Variants in CD8A observed in about 807,000 individuals in gnomAD.
CD8A encodes the protein T-cell surface glycoprotein CD8 alpha chain.
A neutral mutation model predicts 24.2 loss-of-function variants in CD8A; 25 were observed. The observed-to-expected ratio is 1.03, with a 90% CI of 0.75 to 1.44. The LOEUF is 1.44. Among genes scored for constraint, CD8A ranks in the 40% most tolerant of loss-of-function variants. The pLI is 0.00. For missense variants in CD8A, 360 were observed against 319.7 expected, an observed-to-expected ratio of 1.13 and a Z score of -0.96; for synonymous variants, 165 against 149.9, an observed-to-expected ratio of 1.10 and a Z score of -0.74.
At chr2:86,805,913 GTTTC>G (rs965321600) in intron 2 of CD8A, among the ~76,000 whole-genome samples, 10 of 151,622 alleles carry the variant, frequency 6.6e-5, no homozygotes, top group African/African-American at 2.2e-4. Flanking sequence ...AAAAAGGCTC[GTTTC>G]TTTTTCTTTC....
chr2:86,792,350 T>C (rs1399207820), upstream of CD8A, among the ~76,000 whole-genome samples: 1 of 152,226 alleles, frequency 6.6e-6, no homozygotes, highest in African/African-American at 2.4e-5. Flanking sequence ...CCATTAGTTC[T>C]GCTGGGCGAG....
At chr2:86,788,000 C>CT (rs981606076) in intron 5 of CD8A, among the ~76,000 whole-genome samples, 5 of 151,904 alleles carry the variant, frequency 3.3e-5, no homozygotes, top group African/African-American at 1.2e-4. Flanking sequence ...TCTCGTTCCC[C>CT]TTTTTTCTAC....
chr2:86,790,552 G>C lies in CD8A; in HGVS notation c.179C>G (p.Pro60Arg), dbSNP rs769304073. The C allele has an allele frequency of 6.2e-7, 1 of 1,613,334 alleles. No individual in the cohort carries two copies. The highest frequency in any genetic ancestry group is 8.5e-7 in the Non-Finnish European group (1 of 1,179,956). ...GGTGGGACTGGCGGCGGCGCCGCGC[G>C]GCTGGAAGAGCCACGAGCAGCCCGA... ...PTSGCSWLFQ[P>R]RGAAASPTFL... Residue 60 changes from proline (P) to arginine (R), a missense_variant, in exon 2 of 6, where the codon CCG becomes CGG. Physicochemically the swap from Pro to Arg is moderately radical, Grantham distance 103. Transcript: ENST00000283635.
At chr2:86,791,066 C>A (rs1313763392), upstream of CD8A, 1 of 699,310 alleles carries the variant, frequency 1.4e-6, no homozygotes. Flanking sequence ...GTCGAGGCAG[C>A]CTGGCCAGGC....
intron 3 of CD8A, among the ~76,000 whole-genome samples, chr2:86,799,695 C>G (rs1042201968): frequency 5.9e-5 from 9 of 151,834 alleles, no homozygotes; most frequent in South Asian, 2.1e-4. Flanking sequence ...AGTGGAGCTT[C>G]CAGTGAGCCA....
intron 2 of CD8A, among the ~76,000 whole-genome samples, chr2:86,803,620 T>G (rs543976415): frequency 3.9e-5 from 6 of 152,346 alleles, no homozygotes; most frequent in African/African-American, 1.4e-4. Context: ...GGCGCAATTT[T>G]GGCTCACCGC....
chr2:86,799,392 A>C (rs1010011943), intron 3 of CD8A, among the ~76,000 whole-genome samples: 1 of 152,214 alleles, frequency 6.6e-6, no homozygotes, highest in African/African-American at 2.4e-5. Flanking sequence ...AACATTTTTC[A>C]TGTAATTTCC....
chr2:86,787,285 T>C (rs1673058925), intron 5 of CD8A, among the ~76,000 whole-genome samples: 1 of 151,952 alleles, frequency 6.6e-6, no homozygotes, highest in Non-Finnish European at 1.5e-5. Context: ...ATATCACCTG[T>C]AACATATGCA....
At chr2:86,804,788 CTAAA>C (rs148438994) in intron 2 of CD8A, among the ~76,000 whole-genome samples, 223 of 140,590 alleles carry the variant, frequency 1.6e-3, no homozygotes, top group Non-Finnish European at 2.6e-3. Flanking sequence ...CTGTTCCTTG[CTAAA>C]TCTTTTTTTT....
upstream of CD8A, among the ~76,000 whole-genome samples, chr2:86,792,667 TG>T (rs1673350782): frequency 2.0e-5 from 3 of 152,030 alleles, 1 homozygote; most frequent in South Asian, 6.2e-4. Context: ...GCTAATTTTT[TG>T]TATTTTTGGT....
chr2:86,800,853 G>C (rs1673649222), intron 3 of CD8A, among the ~76,000 whole-genome samples: 1 of 152,190 alleles, frequency 6.6e-6, no homozygotes, highest in African/African-American at 2.4e-5. Context: ...CTTATTTGGA[G>C]ACAAGGTCCT....
At chr2:86,799,836 C>G (rs952101260) in intron 3 of CD8A, among the ~76,000 whole-genome samples, 1 of 152,126 alleles carries the variant, frequency 6.6e-6, no homozygotes, top group Non-Finnish European at 1.5e-5. Flanking sequence ...GGCCTCATCC[C>G]TCTACTCAGC....
At chr2:86,786,812 A>T (rs1329602250) in intron 5 of CD8A, among the ~76,000 whole-genome samples, 1 of 151,954 alleles carries the variant, frequency 6.6e-6, no homozygotes, top group African/African-American at 2.4e-5. Context: ...CGAGGTCAGG[A>T]GATCGAGACC....
rs1672930882 is a variant in CD8A at position 86,784,873 on chromosome 2, G to A, written c.*1047C>T. On this transcript the variant is annotated 3_prime_UTR_variant, in exon 6 of 6. Transcript: ENST00000283635. The stretch of plus-strand genomic sequence containing the variant: ...CCATACCTTAAGCAAGGAAGTGCAT[G>A]TTTGGGACAGCAGTTTGGGCTCTCA... The A allele has an allele frequency of 2.2e-6, 1 of 454,036 alleles. No individual in the cohort carries two copies. Among genetic ancestry groups the A allele is most frequent in the African/African-American group, 2.0e-5 (1 of 50,020 alleles). 28.1% of individuals were successfully genotyped at this position (454,036 alleles called of 1,614,324 possible).
rs761702722 is a variant in CD8A at position 86,789,393 on chromosome 2, G to A, written c.555C>T (p.Ile185=). 1 of 1,613,896 alleles carries A rather than the reference G, an allele frequency of 6.2e-7. No homozygotes were observed. The highest frequency in any genetic ancestry group is 1.3e-5 in the African/African-American group (1 of 74,932). Residue 185 remains isoleucine, a synonymous_variant, in exon 4 of 6, where the codon ATC becomes ATT. Coordinates refer to ENST00000283635, the MANE Select transcript of CD8A (RefSeq NM_001768.7). ...RGLDFACDIY[I]WAPLAGTCGV... ...CACAAGTCCCGGCCAAGGGCGCCCA[G>A]ATGTAGATATCACAGGCGAAGTCCA...
intron 5 of CD8A, among the ~76,000 whole-genome samples, chr2:86,787,077 C>CCA (rs1214799589): frequency 7.9e-6 from 1 of 127,286 alleles, no homozygotes; most frequent in Non-Finnish European, 1.6e-5. Flanking sequence ...AACTTCCCCC[C>CCA]CCACTTTTTT....
intron 5 of CD8A, among the ~76,000 whole-genome samples, chr2:86,787,081 C>CCT (rs1553430196): frequency 2.2e-5 from 2 of 91,886 alleles, no homozygotes; most frequent in African/African-American, 4.2e-5. Context: ...TCCCCCCCCA[C>CCT]TTTTTTTTTT....
Position 86,784,625 on chromosome 2 carries a change from A to G in CD8A, c.*1295T>C. The G allele has an allele frequency of 2.7e-6, 1 of 377,238 alleles. No homozygotes were observed. Among genetic ancestry groups the G allele is most frequent in the Non-Finnish European group, 5.3e-6 (1 of 190,438 alleles). 23.4% of individuals were successfully genotyped at this position (377,238 alleles called of 1,614,324 possible). A position where few individuals can be genotyped will look rare whatever the true frequency, so the allele number is the denominator to read the frequency against. On this transcript the variant is annotated 3_prime_UTR_variant, in exon 6 of 6. Coordinates refer to ENST00000283635, the MANE Select transcript of CD8A (RefSeq NM_001768.7). ...CAAAATCGGATGCTGTTTACCCATTAAAGAGGATGCTACAAATGTTTATTC... is the reference window on the plus strand; with the variant it reads ...CAAAATCGGATGCTGTTTACCCATTGAAGAGGATGCTACAAATGTTTATTC...
chr2:86,802,402 T>G (rs1205327843), intron 2 of CD8A, among the ~76,000 whole-genome samples: 1 of 152,162 alleles, frequency 6.6e-6, no homozygotes, highest in Non-Finnish European at 1.5e-5. Flanking sequence ...TAAAGGACAA[T>G]TGTGCACTAT....
Sources: allele counts gnomAD v4.1 joint callset (sites outside exome capture counted in the v4.1 genomes callset), GRCh38; gene constraint gnomAD v4.1.1; transcripts MANE v1.5; gene names NCBI Gene and HGNC (gene_info 2026-07-23, HGNC 2026-07-21).